The following SLC17A4 variants were observed in gnomAD, a reference collection of about 807,000 sequenced individuals.
SLC17A4 encodes the protein probable small intestine urate exporter.
In SLC17A4, 33 loss-of-function variants were observed where a neutral mutation model predicts 52.5. That is an observed-to-expected ratio of 0.63 (90% CI 0.48 to 0.84). The LOEUF (loss-of-function observed/expected upper bound fraction) is 0.84, where lower values mean the gene tolerates loss of function less well. Among genes scored for constraint, SLC17A4 ranks in the 40% least tolerant of loss-of-function variants. The pLI is 0.00. For missense variants in SLC17A4, 585 were observed against 597.1 expected (o/e 0.98, Z 0.21); for synonymous variants, 225 against 216.2 (o/e 1.04, Z -0.36).
intron 1 of SLC17A4, among the ~76,000 whole-genome samples, chr6:25,759,476 GC>G (rs1761339622): frequency 6.6e-6 from 1 of 152,062 alleles, no homozygotes; most frequent in African/African-American, 2.4e-5. Flanking sequence ...AAACTTAAGA[GC>G]TCCAGTGTTA....
chr6:25,776,451 G>A, intron 8 of SLC17A4, 144 bp from the exon 9 acceptor site: 1 of 934,994 alleles, frequency 1.1e-6, no homozygotes, highest in South Asian at 2.2e-5. Context: ...AAGTATATTG[G>A]CTCATTATAG....
Position 25,759,057 on chromosome 6 carries a change from A to G in SLC17A4, c.-36-2870A>G, listed in dbSNP as rs140404430. Among the ~76,000 whole-genome samples, 382 of 152,278 alleles carry G rather than the reference A, an allele frequency of 2.5e-3. 1 individual carries two copies. Among genetic ancestry groups the G allele is most frequent in the Middle Eastern group, 0.024 (7 of 294 alleles). On this transcript the variant is annotated intron_variant, in intron 1 of 11. Coordinates refer to ENST00000377905, the MANE Select transcript of SLC17A4 (RefSeq NM_005495.3). ...TTCATCTTGATTTCATTGTTGAGCC[A>G]ATGATCATTTAGGAGCAGCTTATTT...
chr6:25,779,869 T>C lies in SLC17A4; in HGVS notation c.*681T>C, dbSNP rs565733221. 3 of 152,316 alleles carry C rather than the reference T, an allele frequency of 2.0e-5. No homozygotes were observed. The South Asian group carries it at 6.2e-4, about 32-fold the overall frequency. 9.4% of individuals were successfully genotyped at this position (152,316 alleles called of 1,614,324 possible). A position where few individuals can be genotyped will look rare whatever the true frequency, so the allele number is the denominator to read the frequency against. ...TTTGGCTTTGTGCAGATCTTTAACATGTTAGTGAACAGACATTGCCCAGTG... is the reference window on the plus strand; with the variant it reads ...TTTGGCTTTGTGCAGATCTTTAACACGTTAGTGAACAGACATTGCCCAGTG... On this transcript the variant is annotated 3_prime_UTR_variant, in exon 12 of 12. Coordinates refer to ENST00000377905, the MANE Select transcript of SLC17A4 (RefSeq NM_005495.3).
chr6:25,776,095 A>G (rs1242616240), intron 8 of SLC17A4, among the ~76,000 whole-genome samples: 1 of 152,054 alleles, frequency 6.6e-6, no homozygotes, highest in African/African-American at 2.4e-5. Context: ...TCAATAGAGC[A>G]CCAGTAATAT....
chr6:25,777,779 A>G, intron 10 of SLC17A4, 147 bp from the exon 11 acceptor site: 1 of 626,204 alleles, frequency 1.6e-6, no homozygotes, highest in Non-Finnish European at 2.9e-6. Flanking sequence ...AATTCCAGTC[A>G]TCTCCAGAGG....
In SLC17A4 at chr6:25,773,331, G is replaced by C; in HGVS notation, c.763G>C (p.Val255Leu). 6.2e-7 allele frequency: 1 copy of C among 1,614,004 alleles called. No individual in the cohort carries two copies. The highest frequency in any genetic ancestry group is 8.5e-7 in the Non-Finnish European group (1 of 1,179,898). Residue 255 changes from valine (V) to leucine (L), a missense_variant, in exon 7 of 12, where the codon GTG (valine) becomes CTG (leucine). Coordinates refer to ENST00000377905, the MANE Select transcript of SLC17A4 (RefSeq NM_005495.3). ...GTTTCCTCTCATTTATGATGATCCT[G>C]TGAATCATCCCTTTATCAGTGCTGG... ...LWFPLIYDDP[V>L]NHPFISAGEK...
chr6:25,780,276 G>T lies in SLC17A4; in HGVS notation c.*1088G>T, dbSNP rs537677836. ...ACAGTATTAAGGAGTTCAGTGTCTC[G>T]GGAGGGCAGATAACTTTAATCAAAG... is the stretch of plus-strand genomic sequence containing the variant. On this transcript the variant is annotated 3_prime_UTR_variant, in exon 12 of 12. Transcript: ENST00000377905. The T allele has an allele frequency of 6.6e-6, 1 of 152,158 alleles. No homozygotes were observed. The highest frequency in any genetic ancestry group is 1.5e-5 in the Non-Finnish European group (1 of 68,052). 9.4% of individuals were successfully genotyped at this position (152,158 alleles called of 1,614,324 possible).
rs920566674 is a variant in SLC17A4 at position 25,770,445 on chromosome 6, G to A, written c.593G>A (p.Ser198Asn). The A allele has an allele frequency of 6.2e-7, 1 of 1,613,952 alleles. No individual in the cohort carries two copies. The highest frequency in any genetic ancestry group is 8.5e-7 in the Non-Finnish European group (1 of 1,179,960). The change falls in exon 5 of 12, where the codon AGT becomes AAT. Residue 198 changes from serine to asparagine, a missense_variant. Coordinates refer to ENST00000377905, the MANE Select transcript of SLC17A4 (RefSeq NM_005495.3). ...WVKWAPPLER[S>N]QLTTIAGSGS... is the part of the protein sequence containing the mutation. Reference sequence around the variant, plus strand: ...AAATGGGCTCCCCCACTGGAAAGGAGTCAACTCACCACCATTGCTGGATCA... The same window carrying A: ...AAATGGGCTCCCCCACTGGAAAGGAATCAACTCACCACCATTGCTGGATCA...
intron 1 of SLC17A4, among the ~76,000 whole-genome samples, chr6:25,759,697 C>A (rs76756178): frequency 6.6e-6 from 1 of 152,104 alleles, no homozygotes; most frequent in Non-Finnish European, 1.5e-5. Flanking sequence ...GCTACTCCTG[C>A]TCGCTTTTGG....
chr6:25,757,057 A>G (rs572228222), intron 1 of SLC17A4, among the ~76,000 whole-genome samples: 2 of 152,278 alleles, frequency 1.3e-5, no homozygotes, highest in African/African-American at 2.4e-5. Flanking sequence ...CCATTTGCCA[A>G]TGAGTATTTG....
chr6:25,756,850 G>A (rs1488108429), intron 1 of SLC17A4, among the ~76,000 whole-genome samples: 1 of 152,194 alleles, frequency 6.6e-6, no homozygotes, highest in Non-Finnish European at 1.5e-5. Context: ...AACACTCGAA[G>A]AGTCTGTGTG....
In SLC17A4 at chr6:25,769,126, C is replaced by T. The variant is rs1409677205; in HGVS notation, c.233C>T (p.Thr78Ile). The T allele has an allele frequency of 2.5e-6, 4 of 1,614,072 alleles. No homozygotes were observed. Among genetic ancestry groups the T allele is most frequent in the African/African-American group, 1.3e-5 (1 of 75,032 alleles). Residue 78 changes from threonine to isoleucine, a missense_variant, in exon 3 of 12, where the codon ACA becomes ATA. Thr to Ile is a moderately conservative substitution (Grantham distance 89). Coordinates refer to ENST00000377905, the MANE Select transcript of SLC17A4 (RefSeq NM_005495.3). The stretch of plus-strand genomic sequence containing the variant: ...CCACCTAGCCAGCCCAATGCTTCCA[C>T]AGAACGGCCCTCCACTGACTCCCAG... ...TAPPSQPNAS[T>I]ERPSTDSQGY... is the part of the protein sequence containing the mutation.
At position 25,770,980 on chromosome 6, in the gene SLC17A4, C is replaced by G. The variant is rs1455102526; in HGVS notation, c.674C>G (p.Thr225Ser). 1 of 1,613,864 alleles carries G rather than the reference C, an allele frequency of 6.2e-7. No individual in the cohort carries two copies. Among genetic ancestry groups the G allele is most frequent in the Admixed American group, 1.7e-5 (1 of 60,006 alleles). The change falls in exon 6 of 12, where the codon ACC becomes AGC. Residue 225 changes from threonine to serine, a missense_variant. Thr to Ser is a moderately conservative substitution (Grantham distance 58, BLOSUM62 1). Transcript: ENST00000377905. ...CTTGCTGGTGGTCTCCTCTGCCAGA[C>G]CATAGGATGGCCTTACGTCTTCTAT... Reference protein sequence around the residue: ...VLLAGGLLCQTIGWPYVFYIF... With the variant: ...VLLAGGLLCQSIGWPYVFYIF...
intron 8 of SLC17A4, among the ~76,000 whole-genome samples, chr6:25,775,230 G>A (rs1762806503): frequency 6.6e-6 from 1 of 151,870 alleles, no homozygotes; most frequent in Non-Finnish European, 1.5e-5. Context: ...TACTTAGGAG[G>A]CTGAGGCATG....
At chr6:25,773,111 G>C (rs1486699067) in intron 6 of SLC17A4, among the ~76,000 whole-genome samples, 164 bp from the exon 7 acceptor site, 3 of 152,222 alleles carry the variant, frequency 2.0e-5, no homozygotes, top group Non-Finnish European at 4.4e-5. Context: ...AAAGTCAAGT[G>C]GTGAGGAAGT....
At chr6:25,776,138 C>T (rs1762892868) in intron 8 of SLC17A4, among the ~76,000 whole-genome samples, 2 of 134,310 alleles carry the variant, frequency 1.5e-5, no homozygotes, top group Non-Finnish European at 3.5e-5. Context: ...AGTGTTAGCA[C>T]AGAGCATGCC....
chr6:25,769,258 G>A, intron 3 of SLC17A4, 68 bp downstream of exon 3: 3 of 1,404,066 alleles, frequency 2.1e-6, no homozygotes, highest in Admixed American at 1.9e-5. Flanking sequence ...TTATAAAAGA[G>A]TGAGATTCAT....
At chr6:25,764,356 G>A (rs1761822112) in intron 2 of SLC17A4, among the ~76,000 whole-genome samples, 1 of 152,156 alleles carries the variant, frequency 6.6e-6, no homozygotes, top group Non-Finnish European at 1.5e-5. Flanking sequence ...CTGCAGGAAA[G>A]ATATACTGCC....
intron 8 of SLC17A4, among the ~76,000 whole-genome samples, chr6:25,775,004 C>A (rs914938183): frequency 2.0e-5 from 3 of 152,140 alleles, no homozygotes; most frequent in African/African-American, 7.2e-5. Context: ...TAATTGATAA[C>A]AACAAGGTTC....
Sources: allele counts gnomAD v4.1 joint callset (sites outside exome capture counted in the v4.1 genomes callset), GRCh38; gene constraint gnomAD v4.1.1; transcripts MANE v1.5; gene names NCBI Gene and HGNC (gene_info 2026-07-23, HGNC 2026-07-21).